The following HYAL4 variants were observed in gnomAD, a reference collection of about 807,000 sequenced individuals.
The protein encoded by HYAL4 is hyaluronidase 4.
Under a neutral mutation model 35.2 loss-of-function variants are expected in HYAL4, and 37 were observed. That is an observed-to-expected ratio of 1.05 (90% CI 0.81 to 1.38). The LOEUF is 1.38. HYAL4 is among the 40% of genes most tolerant of loss of function. HYAL4 has a pLI of 0.00. For missense variants in HYAL4, 572 were observed against 572.4 expected (o/e 1.00, Z 0.01); for synonymous variants, 198 against 203.2 (o/e 0.97, Z 0.22).
chr7:123,830,079 A>G (rs2116904881), intron 1 of HYAL4, among the ~76,000 whole-genome samples: 1 of 152,354 alleles, frequency 6.6e-6, no homozygotes, highest in African/African-American at 2.4e-5. Flanking sequence ...TTTGCACTCC[A>G]GTAATTGGGG....
upstream of HYAL4, among the ~76,000 whole-genome samples, chr7:123,828,445 CA>C (rs1419744547): frequency 6.6e-6 from 1 of 150,846 alleles, no homozygotes; most frequent in Non-Finnish European, 1.5e-5. Context: ...CACACACACA[CA>C]CACACACACA....
chr7:123,827,805 T>A (rs1257466611), upstream of HYAL4, among the ~76,000 whole-genome samples: 1 of 152,184 alleles, frequency 6.6e-6, no homozygotes, highest in Non-Finnish European at 1.5e-5. Flanking sequence ...TGAGAAAATA[T>A]CCCACTGTTC....
chr7:123,832,493 T>C lies in HYAL4; in HGVS notation c.-257+3369T>C, dbSNP rs1345234502. Among the ~76,000 whole-genome samples the C allele has an allele frequency of 3.8e-3, 353 of 92,622 alleles. 23 individuals are homozygous for C. Among genetic ancestry groups the C allele is most frequent in the African/African-American group, 0.016 (338 of 21,706 alleles). The allele number at this position is 92,622 out of a possible 152,430, so 60.8% of individuals were successfully genotyped here. A position where few individuals can be genotyped will look rare whatever the true frequency, so the allele number is the denominator to read the frequency against. ...ATTGTGTCATACTTTTTTTTTTTTTTTTTTTTTTTTTTTTTTTTTTTTTTG... is the reference window on the plus strand; with the variant it reads ...ATTGTGTCATACTTTTTTTTTTTTTCTTTTTTTTTTTTTTTTTTTTTTTTG... On this transcript the variant is annotated intron_variant, in intron 1 of 4. Transcript: ENST00000489978.
intron 2 of HYAL4, among the ~76,000 whole-genome samples, chr7:123,866,496 G>A (rs1226465949): frequency 6.6e-6 from 1 of 152,114 alleles, no homozygotes; most frequent in Non-Finnish European, 1.5e-5. Flanking sequence ...TACTTATGGT[G>A]CAGAATTGAC....
the HYAL4 span, among the ~76,000 whole-genome samples, chr7:123,810,907 T>C: frequency 2.0e-5 from 3 of 152,350 alleles, no homozygotes; most frequent in African/African-American, 7.2e-5. Flanking sequence ...TCATGTATAG[T>C]TGGAATTGTA....
the HYAL4 span, among the ~76,000 whole-genome samples, chr7:123,795,783 A>G: frequency 2.0e-5 from 3 of 152,188 alleles, no homozygotes; most frequent in Admixed American, 6.5e-5. Flanking sequence ...TCAATGAAAC[A>G]TATGAAGTTG....
At chr7:123,860,969 C>T (rs1806564258) in intron 2 of HYAL4, among the ~76,000 whole-genome samples, 3 of 152,262 alleles carry the variant, frequency 2.0e-5, no homozygotes, top group Non-Finnish European at 4.4e-5. Flanking sequence ...CCACTCCATT[C>T]AGGACTGAGG....
At chr7:123,828,045 C>T (rs1352975712), upstream of HYAL4, among the ~76,000 whole-genome samples, 1 of 152,092 alleles carries the variant, frequency 6.6e-6, no homozygotes, top group East Asian at 1.9e-4. Context: ...ACAATGTGAT[C>T]ATTAATCTGT....
chr7:123,790,691 A>G, the HYAL4 span: 1 of 149,104 alleles, frequency 6.7e-6, no homozygotes, highest in African/African-American at 2.5e-5. Flanking sequence ...ATTTTAGTAT[A>G]TGTGCTGCCG....
the HYAL4 span, among the ~76,000 whole-genome samples, chr7:123,776,571 G>T: frequency 5.9e-5 from 9 of 152,008 alleles, no homozygotes; most frequent in African/African-American, 2.2e-4. Context: ...GCATCACCAC[G>T]CCTGGCTAAT....
At position 123,868,855 on chromosome 7, in the gene HYAL4, T is replaced by C; in HGVS notation, c.582T>C (p.Ser194=). ...EYLAKVTFEE[S]AKAFMKETIK... ...TAGCCAAAGTGACCTTTGAAGAAAG[T>C]GCAAAAGCTTTCATGAAGGAAACCA... The change falls in exon 3 of 5, where the codon AGT becomes AGC. Residue 194 remains serine, a synonymous_variant. Transcript: ENST00000223026. 2 of 1,614,178 alleles carry C rather than the reference T, an allele frequency of 1.2e-6. No individual in the cohort carries two copies. The highest frequency in any genetic ancestry group is 8.5e-7 in the Non-Finnish European group (1 of 1,180,028).
the HYAL4 span, among the ~76,000 whole-genome samples, chr7:123,778,989 A>T: frequency 6.6e-6 from 1 of 152,186 alleles, no homozygotes; most frequent in Non-Finnish European, 1.5e-5. Flanking sequence ...TAAAAATGTA[A>T]AACAATGCCA....
the HYAL4 span, among the ~76,000 whole-genome samples, chr7:123,765,463 T>C: frequency 6.6e-6 from 1 of 152,240 alleles, no homozygotes; most frequent in African/African-American, 2.4e-5. Context: ...CTCAGTTCTA[T>C]GGGAAATGTG....
At chr7:123,791,444 C>T in the HYAL4 span, among the ~76,000 whole-genome samples, 9 of 152,240 alleles carry the variant, frequency 5.9e-5, no homozygotes, top group East Asian at 1.5e-3. Context: ...TCTTTATTTT[C>T]TAAATAAAGC....
chr7:123,777,257 A>G, the HYAL4 span, among the ~76,000 whole-genome samples: 17 of 152,036 alleles, frequency 1.1e-4, no homozygotes, highest in Non-Finnish European at 1.8e-4. Flanking sequence ...GAAATGTGCT[A>G]TAAGTGTAAA....
chr7:123,842,536 A>C (rs979270889), upstream of HYAL4, among the ~76,000 whole-genome samples: 3 of 152,030 alleles, frequency 2.0e-5, no homozygotes, highest in African/African-American at 7.2e-5. Flanking sequence ...AGCTGAGTTC[A>C]GGTCCTGGAT....
At chr7:123,855,650 C>G (rs1185383750) in intron 2 of HYAL4, among the ~76,000 whole-genome samples, 2 of 151,978 alleles carry the variant, frequency 1.3e-5, no homozygotes, top group African/African-American at 4.8e-5. Flanking sequence ...TCATTTTAAC[C>G]TTGGGTAATC....
At chr7:123,769,043 A>C in the HYAL4 span, among the ~76,000 whole-genome samples, 5 of 152,246 alleles carry the variant, frequency 3.3e-5, no homozygotes, top group South Asian at 2.1e-4. Context: ...TCAACGTAAG[A>C]ATCTACCAAT....
At chr7:123,767,675 T>A in the HYAL4 span, among the ~76,000 whole-genome samples, 1 of 152,212 alleles carries the variant, frequency 6.6e-6, no homozygotes, top group Non-Finnish European at 1.5e-5. Flanking sequence ...TCCCCATTAC[T>A]GAACCAATCA....
Sources: gnomAD v4.1 joint callset for allele counts (sites outside exome capture counted in the v4.1 genomes callset) on GRCh38, gnomAD v4.1.1 for gene constraint, MANE v1.5 for transcripts, NCBI Gene and HGNC (gene_info 2026-07-23, HGNC 2026-07-21) for gene names.